The following PRKCB variants were observed in gnomAD, a reference collection of about 807,000 sequenced individuals.
PRKCB encodes protein kinase C beta.
In PRKCB, 13 loss-of-function variants were observed where a neutral mutation model predicts 81.5. That is an observed-to-expected ratio of 0.16 (90% CI 0.10 to 0.25). PRKCB has a LOEUF of 0.25. Among genes scored for constraint, PRKCB ranks in the 10% least tolerant of loss-of-function variants. PRKCB has a pLI of 1.00. For synonymous variants in PRKCB, 335 were observed against 321.4 expected, an observed-to-expected ratio of 1.04 and a Z score of -0.45; for missense variants, 509 against 875.7, an observed-to-expected ratio of 0.58 and a Z score of 5.29.
chr16:23,963,809 A>AT (rs1436642744), intron 2 of PRKCB: 1 of 152,066 alleles, frequency 6.6e-6, no homozygotes, highest in Non-Finnish European at 1.5e-5. Flanking sequence ...CCCTTTTCTC[A>AT]TTTTGTCTCC....
intron 2 of PRKCB, among the ~76,000 whole-genome samples, chr16:23,873,687 G>C (rs1021249119): frequency 2.6e-5 from 4 of 152,166 alleles, no homozygotes; most frequent in Non-Finnish European, 5.9e-5. Context: ...CAGTGGATAG[G>C]GACATGGAAG....
rs1321886216 is a variant in PRKCB, at chr16:24,039,842, C to G, written c.529+4295C>G. On this transcript the variant is annotated intron_variant, in intron 5 of 16. Coordinates refer to ENST00000643927, the MANE Select transcript of PRKCB (RefSeq NM_002738.7). ...GGTCTCCTGACTGTCTTCCTGGTTTCATTGCTGGGACTCCAGCCCCCTCCT... is the reference window on the plus strand; with the variant it reads ...GGTCTCCTGACTGTCTTCCTGGTTTGATTGCTGGGACTCCAGCCCCCTCCT... 2.6e-5 allele frequency among the ~76,000 whole-genome samples: 4 copies of G among 152,312 alleles called. No individual in the cohort carries two copies. In the East Asian group the frequency reaches 7.7e-4, roughly 29 times the overall value.
chr16:23,958,194 G>A (rs1381811087), intron 2 of PRKCB, among the ~76,000 whole-genome samples: 1 of 152,066 alleles, frequency 6.6e-6, no homozygotes, highest in Admixed American at 6.5e-5. Flanking sequence ...GTTTCGCCAT[G>A]TTGGCCAGGG....
intron 7 of PRKCB, among the ~76,000 whole-genome samples, chr16:24,095,329 G>T (rs779289683): frequency 6.6e-6 from 1 of 152,116 alleles, no homozygotes; most frequent in Non-Finnish European, 1.5e-5. Context: ...CAAGGAGTAG[G>T]GTGGCTAGGG....
At chr16:23,985,279 T>C (rs775114843) in intron 2 of PRKCB, among the ~76,000 whole-genome samples, 14 of 152,146 alleles carry the variant, frequency 9.2e-5, no homozygotes, top group Non-Finnish European at 1.8e-4. Flanking sequence ...GTATTTTTAA[T>C]AGAGACGGGG....
chr16:23,985,877 G>T (rs1448751333), intron 2 of PRKCB, among the ~76,000 whole-genome samples: 1 of 152,056 alleles, frequency 6.6e-6, no homozygotes, highest in African/African-American at 2.4e-5. Context: ...ACAGATCAGT[G>T]GCACAGAATA....
intron 9 of PRKCB, among the ~76,000 whole-genome samples, chr16:24,149,337 A>G (rs1275912932): frequency 1.3e-5 from 2 of 152,170 alleles, no homozygotes; most frequent in Non-Finnish European, 2.9e-5. Flanking sequence ...CCTTCGTGCT[A>G]TGGGGACAGC....
chr16:23,882,021 T>TTCTTTCTTTCTTC lies in PRKCB; in HGVS notation c.205+44615_205+44616insTCTTTCTTTCTTC, dbSNP rs1555481692. 7.2e-5 allele frequency among the ~76,000 whole-genome samples: 4 copies of TTCTTTCTTTCTTC among 55,592 alleles called. 1 individual carries two copies. Among genetic ancestry groups the TTCTTTCTTTCTTC allele is most frequent in the Non-Finnish European group, 7.3e-5 (2 of 27,286 alleles). The allele number at this position is 55,592 out of a possible 152,430, so 36.5% of individuals were successfully genotyped here. On this transcript the variant is annotated intron_variant, in intron 2 of 16. Transcript: ENST00000643927. The stretch of plus-strand genomic sequence containing the variant: ...TTCTTTCTTTCTTTCTTTCTTTCTT[T>TTCTTTCTTTCTTC]CTTCCTTCCTTCCTTCCTTCCTTCC...
At chr16:23,974,829 G>A (rs865977836) in intron 2 of PRKCB, among the ~76,000 whole-genome samples, 1 of 152,216 alleles carries the variant, frequency 6.6e-6, no homozygotes, top group African/African-American at 2.4e-5. Flanking sequence ...TGGGGATCTG[G>A]GTGGCAGGAG....
At chr16:23,999,028 G>A (rs918686379) in intron 3 of PRKCB, among the ~76,000 whole-genome samples, 3 of 152,266 alleles carry the variant, frequency 2.0e-5, no homozygotes, top group East Asian at 3.8e-4. Context: ...AAAAAGGTCA[G>A]TTGGCACCAA....
chr16:23,876,943 G>T (rs1487856517), intron 2 of PRKCB, among the ~76,000 whole-genome samples: 1 of 151,768 alleles, frequency 6.6e-6, no homozygotes, highest in Non-Finnish European at 1.5e-5. Flanking sequence ...TAACATAAAT[G>T]AACTCTGATT....
chr16:24,073,074 T>C (rs1966133717), intron 5 of PRKCB, among the ~76,000 whole-genome samples: 1 of 152,198 alleles, frequency 6.6e-6, no homozygotes, highest in African/African-American at 2.4e-5. Context: ...TCTCTGGCCT[T>C]GTTAGTTTCT....
At chr16:23,930,775 GT>G (rs1963961672) in intron 2 of PRKCB, among the ~76,000 whole-genome samples, 1 of 152,108 alleles carries the variant, frequency 6.6e-6, no homozygotes, top group African/African-American at 2.4e-5. Flanking sequence ...AAAGCTCTTA[GT>G]GCAATACACG....
intron 7 of PRKCB, among the ~76,000 whole-genome samples, chr16:24,104,959 TGGTCGATC>T (rs1966555727): frequency 6.6e-6 from 1 of 152,320 alleles, no homozygotes; most frequent in African/African-American, 2.4e-5. Context: ...AGTTGTGGTG[TGGTCGATC>T]CCTTTTCCCT....
chr16:24,154,905 G>C (rs2141954092), intron 10 of PRKCB, 48 bp downstream of exon 10: 1 of 1,577,918 alleles, frequency 6.3e-7, no homozygotes, highest in East Asian at 2.3e-5. Flanking sequence ...GGCTTCACCA[G>C]GCTTTGGCCA....
At chr16:24,093,049 C>G (rs1229011097) in intron 6 of PRKCB, 102 bp downstream of exon 6, 5 of 1,214,136 alleles carry the variant, frequency 4.1e-6, no homozygotes, top group Non-Finnish European at 5.6e-6. Flanking sequence ...TTCCTTCCTT[C>G]CCTACCTCCC....
chr16:24,039,961 T>A (rs1476919472), intron 5 of PRKCB, among the ~76,000 whole-genome samples: 1 of 151,994 alleles, frequency 6.6e-6, no homozygotes, highest in Non-Finnish European at 1.5e-5. Flanking sequence ...GGCCTTGTGG[T>A]GTTTGTGGAA....
At chr16:24,135,888 T>A (rs1012822686) in intron 9 of PRKCB, among the ~76,000 whole-genome samples, 16 of 152,218 alleles carry the variant, frequency 1.1e-4, no homozygotes, top group Admixed American at 7.8e-4. Context: ...CTGCACCATA[T>A]GGTGAGTTCC....
intron 16 of PRKCB, among the ~76,000 whole-genome samples, chr16:24,207,835 T>C (rs1383842628): frequency 6.6e-6 from 1 of 151,684 alleles, no homozygotes; most frequent in East Asian, 1.9e-4. Context: ...GGAGAAGGAG[T>C]GGAAGGCAAG....
Sources: gnomAD v4.1 joint callset for allele counts (sites outside exome capture counted in the v4.1 genomes callset) on GRCh38, gnomAD v4.1.1 for gene constraint, MANE v1.5 for transcripts, NCBI Gene and HGNC (gene_info 2026-07-23, HGNC 2026-07-21) for gene names.